RIN2: variants seen among roughly 807,000 people sequenced by gnomAD.
RIN2 encodes RAB5 interacting protein 2.
A neutral mutation model predicts 78.0 loss-of-function variants in RIN2; 36 were observed. That is an observed-to-expected ratio of 0.46 (90% confidence interval 0.35 to 0.61). The LOEUF is 0.61. RIN2 is among the 20% of genes least tolerant of loss of function. RIN2 has a pLI of 0.00. For synonymous variants in RIN2, 466 were observed against 466.8 expected (o/e 1.00, Z 0.02); for missense variants, 1,087 against 1,159.7 (o/e 0.94, Z 0.91).
chr20:19,904,319 C>T (rs536011476), intron 3 of RIN2, among the ~76,000 whole-genome samples: 196 of 150,854 alleles, frequency 1.3e-3, no homozygotes, highest in Non-Finnish European at 2.1e-3. Context: ...CATCTGTATG[C>T]GCTGCCTATA....
At chr20:19,952,930 A>G (rs965257092) in intron 4 of RIN2, among the ~76,000 whole-genome samples, 2 of 152,168 alleles carry the variant, frequency 1.3e-5, no homozygotes, top group Admixed American at 6.5e-5. Context: ...AATGTTCCTT[A>G]CAGTGTTGTC....
chr20:19,996,110 T>C (rs1219943791), intron 11 of RIN2, among the ~76,000 whole-genome samples: 1 of 152,164 alleles, frequency 6.6e-6, no homozygotes, highest in Non-Finnish European at 1.5e-5. Context: ...AGGCCAAGGT[T>C]CAAGACCAGC....
chr20:19,948,096 G>A (rs2041165351), intron 4 of RIN2, among the ~76,000 whole-genome samples: 1 of 152,176 alleles, frequency 6.6e-6, no homozygotes, highest in Non-Finnish European at 1.5e-5. Flanking sequence ...AGCAAACAGG[G>A]TACCTTGATA....
At chr20:19,885,885 C>G (rs753950598) in intron 2 of RIN2, among the ~76,000 whole-genome samples, 5 of 148,588 alleles carry the variant, frequency 3.4e-5, no homozygotes, top group Admixed American at 6.8e-5. Flanking sequence ...TTTTACTGGT[C>G]AATTAATAAA....
intron 4 of RIN2, among the ~76,000 whole-genome samples, chr20:19,944,532 C>T (rs571952446): frequency 1.4e-4 from 21 of 152,322 alleles, no homozygotes; most frequent in Middle Eastern, 3.4e-3. Flanking sequence ...CTGGGCCCTC[C>T]GGCAATGCCA....
At chr20:19,856,718 C>T (rs1019025649) in intron 2 of RIN2, among the ~76,000 whole-genome samples, 2 of 152,168 alleles carry the variant, frequency 1.3e-5, no homozygotes, top group African/African-American at 2.4e-5. Context: ...ATAATGATGT[C>T]CTTTACTATT....
At chr20:19,904,263 A>AT (rs1388814927) in intron 3 of RIN2, among the ~76,000 whole-genome samples, 2 of 146,822 alleles carry the variant, frequency 1.4e-5, no homozygotes, top group African/African-American at 5.0e-5. Flanking sequence ...ATATATATAA[A>AT]ATATATATAT....
intron 1 of RIN2, among the ~76,000 whole-genome samples, chr20:19,768,409 G>A (rs1164728374): frequency 6.6e-6 from 1 of 152,168 alleles, no homozygotes. Flanking sequence ...TTCTGGAGAC[G>A]CTCTACCCCT....
At chr20:19,982,500 G>A (rs1033753490) in intron 9 of RIN2, among the ~76,000 whole-genome samples, 1 of 152,192 alleles carries the variant, frequency 6.6e-6, no homozygotes, top group Non-Finnish European at 1.5e-5. Flanking sequence ...ACATAAGATA[G>A]AGAAGTTTCT....
chr20:19,989,940 G>A (rs748775507), intron 9 of RIN2, 66 bp from the exon 10 acceptor site: 1 of 1,430,320 alleles, frequency 7.0e-7, no homozygotes, highest in African/African-American at 1.4e-5. Context: ...TCCATTGTAA[G>A]AAAGCAGATG....
chr20:19,842,910 A>G (rs1444738196), intron 2 of RIN2, among the ~76,000 whole-genome samples: 2 of 152,016 alleles, frequency 1.3e-5, no homozygotes, highest in Non-Finnish European at 2.9e-5. Flanking sequence ...TTCATGATTC[A>G]CAGGAGGAGG....
intron 7 of RIN2, among the ~76,000 whole-genome samples, chr20:19,966,899 C>T (rs917565187): frequency 1.1e-4 from 16 of 142,716 alleles, no homozygotes; most frequent in African/African-American, 4.3e-4. Context: ...AAGCACAGCC[C>T]CCAACAGACA....
chr20:19,767,786 G>A (rs59619104), intron 1 of RIN2, among the ~76,000 whole-genome samples: 16 of 152,064 alleles, frequency 1.1e-4, no homozygotes, highest in Middle Eastern at 3.4e-3. Flanking sequence ...TTAGCTGGGC[G>A]TGGTGGCAGG....
At chr20:19,985,631 G>A (rs746650783) in intron 9 of RIN2, among the ~76,000 whole-genome samples, 5 of 152,138 alleles carry the variant, frequency 3.3e-5, no homozygotes, top group Non-Finnish European at 7.4e-5. Flanking sequence ...CAGTGTTTTG[G>A]GAGGCTGAGG....
At chr20:19,812,532 A>G (rs2035635517) in intron 2 of RIN2, among the ~76,000 whole-genome samples, 2 of 152,138 alleles carry the variant, frequency 1.3e-5, no homozygotes, top group Admixed American at 6.5e-5. Flanking sequence ...GTCTGTTCAA[A>G]TCTTTTGCTT....
intron 2 of RIN2, among the ~76,000 whole-genome samples, chr20:19,830,082 G>A (rs1380078720): frequency 6.6e-6 from 1 of 152,188 alleles, no homozygotes; most frequent in Non-Finnish European, 1.5e-5. Flanking sequence ...CAAAAGATTT[G>A]GGGGATACCC....
intron 1 of RIN2, among the ~76,000 whole-genome samples, chr20:19,793,489 C>T (rs2122640540): frequency 6.6e-6 from 1 of 151,970 alleles, no homozygotes; most frequent in Admixed American, 6.6e-5. Flanking sequence ...ATGCCTTTCT[C>T]TAGTACAATT....
chr20:19,881,186 C>T (rs1340040051), intron 2 of RIN2, among the ~76,000 whole-genome samples: 1 of 152,212 alleles, frequency 6.6e-6, no homozygotes, highest in Non-Finnish European at 1.5e-5. Flanking sequence ...TCCCTGCTCA[C>T]TAGAGCTGAT....
At chr20:19,764,919 T>G (rs980048615) in intron 1 of RIN2, among the ~76,000 whole-genome samples, 4 of 30,614 alleles carry the variant, frequency 1.3e-4, no homozygotes, top group Non-Finnish European at 2.4e-4. Context: ...ACTTTCTGCG[T>G]TTTTTTTTTT....
Sources: gnomAD v4.1 joint callset for allele counts (sites outside exome capture counted in the v4.1 genomes callset) on GRCh38, gnomAD v4.1.1 for gene constraint, MANE v1.5 for transcripts, NCBI Gene and HGNC (gene_info 2026-07-23, HGNC 2026-07-21) for gene names.